AR: variants seen among roughly 807,000 people sequenced by gnomAD.
AR encodes dihydrotestosterone receptor.
Under a neutral mutation model 53.9 loss-of-function variants are expected in AR, and 8 were observed. That is an observed-to-expected ratio of 0.15 (90% CI 0.09 to 0.27). AR has a LOEUF of 0.27. AR is among the 10% of genes least tolerant of loss of function. AR has a pLI of 1.00. For synonymous variants in AR, 359 were observed against 316.4 expected, an observed-to-expected ratio of 1.13 and a Z score of -1.43; for missense variants, 639 against 742.5, an observed-to-expected ratio of 0.86 and a Z score of 1.62.
intron 2 of AR, among the ~76,000 whole-genome samples, chrX:67,648,001 G>T (rs1926135738): frequency 8.9e-6 from 1 of 112,104 alleles, no homozygotes; most frequent in African/African-American, 3.2e-5. Context: ...TGGTAGAGTG[G>T]ATTTGGTTTA....
intron 1 of AR, among the ~76,000 whole-genome samples, chrX:67,640,717 G>C (rs1047193524): frequency 9.1e-6 from 1 of 109,822 alleles, no homozygotes; most frequent in African/African-American, 3.3e-5. Flanking sequence ...TTCTTCTTTA[G>C]TAGTCTGGCT....
In AR at chrX:67,722,858, C is replaced by A. The variant is rs200801099; in HGVS notation, c.2481C>A (p.Phe827Leu). 1.5e-4 allele frequency: 183 copies of A among 1,209,391 alleles called. No individual in the cohort carries two copies. Among genetic ancestry groups the A allele is most frequent in the Non-Finnish European group, 1.7e-4 (152 of 894,934 alleles). ...IPVDGLKNQK[F>L]FDELRMNYIK... ...TGGATGGGCTGAAAAATCAAAAATT[C>A]TTTGATGAACTTCGAATGAACTACA... The change falls in exon 7 of 8, where the codon TTC becomes TTA. Residue 827 changes from phenylalanine (F) to leucine (L), a missense_variant. Coordinates refer to ENST00000374690, the MANE Select transcript of AR (RefSeq NM_000044.6).
chrX:67,684,500 C>T (rs2075954997), intron 2 of AR, among the ~76,000 whole-genome samples: 1 of 110,873 alleles, frequency 9.0e-6, no homozygotes, highest in Admixed American at 9.6e-5. Flanking sequence ...AAGTCACTTC[C>T]CTGGAACTCC....
chrX:67,684,648 AAGG>A (rs1368160248), intron 2 of AR, among the ~76,000 whole-genome samples: 1 of 111,826 alleles, frequency 8.9e-6, no homozygotes, highest in Non-Finnish European at 1.9e-5. Flanking sequence ...AAACGTTAAA[AAGG>A]AGGAAAGGAA....
intron 3 of AR, among the ~76,000 whole-genome samples, chrX:67,703,658 T>A (rs938378442): frequency 8.9e-6 from 1 of 112,258 alleles, no homozygotes; most frequent in African/African-American, 3.2e-5. Flanking sequence ...AAATATTTTT[T>A]ATTATACTTT....
intron 1 of AR, among the ~76,000 whole-genome samples, chrX:67,575,192 G>C (rs1602165670): frequency 9.0e-6 from 1 of 110,939 alleles, no homozygotes; most frequent in East Asian, 2.9e-4. Flanking sequence ...TGAAGTATTT[G>C]TAATTCATTT....
chrX:67,727,299 T>C lies in AR; in HGVS notation c.*3458T>C. 5.9e-6 allele frequency: 1 copy of C among 169,814 alleles called. No individual in the cohort carries two copies. Among genetic ancestry groups the C allele is most frequent in the East Asian group, 8.5e-5 (1 of 11,721 alleles). The allele number at this position is 169,814 out of a possible 1,213,427, so 14.0% of individuals were successfully genotyped here. On this transcript the variant is annotated 3_prime_UTR_variant, in exon 8 of 8. Transcript: ENST00000374690. ...AAGAAAATCTGTAATACATATATTT[T>C]TATGTATGTTCACTGGCACTAAAAA... is the stretch of plus-strand genomic sequence containing the variant.
At chrX:67,632,043 G>T (rs1350969574) in intron 1 of AR, among the ~76,000 whole-genome samples, 3 of 112,732 alleles carry the variant, frequency 2.7e-5, no homozygotes, top group Non-Finnish European at 3.8e-5. Flanking sequence ...TCTCTTCAAA[G>T]CTGTCCAACA....
chrX:67,614,731 A>C (rs1355727085), intron 1 of AR, among the ~76,000 whole-genome samples: 1 of 111,588 alleles, frequency 9.0e-6, no homozygotes, highest in Non-Finnish European at 1.9e-5. Flanking sequence ...TCAACAAAAA[A>C]CTATCCATGA....
chrX:67,699,759 A>G (rs2076035101), intron 3 of AR, among the ~76,000 whole-genome samples: 1 of 111,120 alleles, frequency 9.0e-6, no homozygotes, highest in South Asian at 3.8e-4. Context: ...GAACAGAAAC[A>G]TCACATCCTT....
At position 67,545,307 on chromosome X, in the gene AR, TGCTGCTGCTGCAGCAGCAGCAGCA is replaced by T. The variant is rs1463637239; in HGVS notation, c.164_187del (p.Leu55_Gln62del). The T allele has an allele frequency of 1.7e-6, 2 of 1,151,137 alleles. No homozygotes were observed. The highest frequency in any genetic ancestry group is 4.1e-5 in the African/African-American group (2 of 49,035). The allele number at this position is 1,151,137 out of a possible 1,213,427, so 94.9% of individuals were successfully genotyped here. ...AGCGCAGCACCTCCCGGCGCCAGTT[TGCTGCTGCTGCAGCAGCAGCAGCA>T]GCAGCAGCAGCAGCAGCAGCAGCAG... On this transcript the variant is annotated inframe_deletion, in exon 1 of 8. Transcript: ENST00000374690.
At chrX:67,666,392 C>A (rs1196143873) in intron 2 of AR, among the ~76,000 whole-genome samples, 1 of 111,966 alleles carries the variant, frequency 8.9e-6, no homozygotes, top group Non-Finnish European at 1.9e-5. Flanking sequence ...ATGACAGGAT[C>A]TCTTTCTTTT....
intron 2 of AR, among the ~76,000 whole-genome samples, chrX:67,660,355 T>G (rs1013581431): frequency 4.5e-5 from 5 of 112,028 alleles, no homozygotes; most frequent in African/African-American, 1.6e-4. Flanking sequence ...AGGTCTAACA[T>G]GTAAGTCTTT....
At chrX:67,659,552 AT>A (rs1360037060) in intron 2 of AR, among the ~76,000 whole-genome samples, 1 of 111,056 alleles carries the variant, frequency 9.0e-6, no homozygotes, top group African/African-American at 3.3e-5. Flanking sequence ...TGAACTCTTC[AT>A]TTTTTATGGC....
chrX:67,559,124 CT>C (rs1196659041), intron 1 of AR, among the ~76,000 whole-genome samples: 4 of 112,347 alleles, frequency 3.6e-5, no homozygotes, highest in African/African-American at 1.3e-4. Context: ...GCACCAGTTT[CT>C]TTTAAGCACT....
intron 1 of AR, among the ~76,000 whole-genome samples, chrX:67,548,115 T>A (rs182160424): frequency 8.1e-4 from 91 of 112,108 alleles, no homozygotes; most frequent in Non-Finnish European, 1.5e-3. Context: ...CCGAAATTTC[T>A]TTGTTAGCCT....
chrX:67,628,392 T>A (rs1924826323), intron 1 of AR, among the ~76,000 whole-genome samples: 2 of 101,327 alleles, frequency 2.0e-5, no homozygotes, highest in Admixed American at 1.2e-4. Flanking sequence ...TTATTCTCTT[T>A]GAAGCAATTG....
rs1167034557 is a variant in AR, at chrX:67,730,596, A to C, written c.*6755A>C. The C allele has an allele frequency of 6.0e-6, 1 of 166,354 alleles. No individual in the cohort carries two copies. Among genetic ancestry groups the C allele is most frequent in the East Asian group, 8.8e-5 (1 of 11,374 alleles). 13.7% of individuals were successfully genotyped at this position (166,354 alleles called of 1,213,427 possible). ...CTTATCATTGTTGTTAATTTGTTAA[A>C]ACATAAAGAAATCTAAAATTTCAGA... On this transcript the variant is annotated 3_prime_UTR_variant, in exon 8 of 8. Coordinates refer to ENST00000374690, the MANE Select transcript of AR (RefSeq NM_000044.6).
rs2075964847 is a variant in AR, at chrX:67,686,065, A to C, written c.1824A>C (p.Arg608=). 1.7e-6 allele frequency: 2 copies of C among 1,211,349 alleles called. No individual in the cohort carries two copies. Among genetic ancestry groups the C allele is most frequent in the Non-Finnish European group, 1.1e-6 (1 of 895,053 alleles). ...ATGATTGCACTATTGATAAATTCCG[A>C]AGGAAAAATTGTCCATCTTGTCGTC... ...SRNDCTIDKF[R]RKNCPSCRLR... is the part of the protein sequence containing the mutation. The change falls in exon 3 of 8, where the codon CGA becomes CGC. Residue 608 remains arginine (R), a synonymous_variant. Coordinates refer to ENST00000374690, the MANE Select transcript of AR (RefSeq NM_000044.6).
Sources: allele counts gnomAD v4.1 joint callset (sites outside exome capture counted in the v4.1 genomes callset), GRCh38; gene constraint gnomAD v4.1.1; transcripts MANE v1.5; gene names NCBI Gene and HGNC (gene_info 2026-07-23, HGNC 2026-07-21).